The following TBC1D5 variants were observed in gnomAD, a reference collection of about 807,000 sequenced individuals.
TBC1D5 encodes TBC1 domain family member 5, also known as TBC1 domain family, member 5.
Under a neutral mutation model 100.3 loss-of-function variants are expected in TBC1D5, and 75 were observed. The ratio of observed to expected loss-of-function variants is 0.75; its 90% confidence interval spans 0.62 to 0.91. The LOEUF (loss-of-function observed/expected upper bound fraction) is 0.91, where lower values mean the gene tolerates loss of function less well. Among genes scored for constraint, TBC1D5 ranks in the 40% least tolerant of loss-of-function variants. The pLI, the probability that TBC1D5 is intolerant of heterozygous loss-of-function variation, is 0.00. For synonymous variants in TBC1D5, 323 were observed against 325.6 expected (o/e 0.99, Z 0.09); for missense variants, 910 against 942.4 (o/e 0.97, Z 0.45).
chr3:17,573,216 A>G (rs1226749364), intron 2 of TBC1D5, among the ~76,000 whole-genome samples: 1 of 152,018 alleles, frequency 6.6e-6, no homozygotes, highest in African/African-American at 2.4e-5. Context: ...AAATGCCAGT[A>G]TTTCCTTTCC....
chr3:17,258,161 T>TAAA (rs969465221), intron 16 of TBC1D5, among the ~76,000 whole-genome samples: 1 of 152,068 alleles, frequency 6.6e-6, no homozygotes, highest in Non-Finnish European at 1.5e-5. Flanking sequence ...TGAAATAATT[T>TAAA]AAAAATATAT....
At position 17,205,887 on chromosome 3, in the gene TBC1D5, T is replaced by C. The variant is rs191144066; in HGVS notation, c.1752+8320A>G. ...TGGCAGAGTGGAAAGATGGTGATGC[T>C]ACTCAACAGCTGAATAATCCAACCG... On this transcript the variant is annotated intron_variant, in intron 18 of 21. Coordinates refer to ENST00000253692, the Ensembl canonical transcript of TBC1D5. 4.6e-5 allele frequency among the ~76,000 whole-genome samples: 7 copies of C among 152,314 alleles called. No homozygotes were observed. In the East Asian group the frequency reaches 9.6e-4, roughly 21 times the overall value.
intron 17 of TBC1D5, among the ~76,000 whole-genome samples, chr3:17,237,802 G>A (rs1419100842): frequency 6.6e-6 from 1 of 152,134 alleles, no homozygotes; most frequent in Non-Finnish European, 1.5e-5. Context: ...GAAGCCCATG[G>A]TACCGGAACT....
At chr3:17,495,119 C>T (rs2095690058) in intron 3 of TBC1D5, among the ~76,000 whole-genome samples, 1 of 152,190 alleles carries the variant, frequency 6.6e-6, no homozygotes, top group South Asian at 2.1e-4. Context: ...AATGAGAGAA[C>T]CTGGATACCT....
chr3:17,606,288 A>T (rs573173084), intron 2 of TBC1D5, among the ~76,000 whole-genome samples: 6 of 152,200 alleles, frequency 3.9e-5, no homozygotes, highest in African/African-American at 9.6e-5. Context: ...CAAAAAAATT[A>T]AAAAATTAGC....
chr3:17,556,525 G>A (rs911557771), intron 2 of TBC1D5, among the ~76,000 whole-genome samples: 2 of 152,016 alleles, frequency 1.3e-5, no homozygotes, highest in African/African-American at 4.8e-5. Flanking sequence ...CATCTTACAA[G>A]CTAATATCGG....
chr3:17,256,556 G>A (rs2077701826), intron 16 of TBC1D5, among the ~76,000 whole-genome samples: 1 of 151,570 alleles, frequency 6.6e-6, no homozygotes, highest in Non-Finnish European at 1.5e-5. Flanking sequence ...ATCATGAAGG[G>A]GAGAAAATAA....
At chr3:17,235,959 A>G (rs1408610144) in intron 17 of TBC1D5, among the ~76,000 whole-genome samples, 2 of 151,918 alleles carry the variant, frequency 1.3e-5, no homozygotes, top group East Asian at 3.9e-4. Context: ...GTACAAATAT[A>G]GAAGGGTTGC....
chr3:17,737,017 T>A (rs1194978899), intron 1 of TBC1D5, among the ~76,000 whole-genome samples: 2 of 151,334 alleles, frequency 1.3e-5, no homozygotes, highest in Non-Finnish European at 2.9e-5. Flanking sequence ...TGTCTCAATT[T>A]AAAAAAAAGA....
chr3:17,563,132 T>C (rs1296360619), intron 2 of TBC1D5, among the ~76,000 whole-genome samples: 1 of 152,184 alleles, frequency 6.6e-6, no homozygotes, highest in African/African-American at 2.4e-5. Flanking sequence ...GTTGCACAAC[T>C]GGATAGAAAG....
At chr3:17,605,033 C>T (rs1237291981) in intron 2 of TBC1D5, among the ~76,000 whole-genome samples, 1 of 152,114 alleles carries the variant, frequency 6.6e-6, no homozygotes, top group Non-Finnish European at 1.5e-5. Context: ...CCAAAATATC[C>T]ATCTTTACAT....
intron 3 of TBC1D5, among the ~76,000 whole-genome samples, chr3:17,456,122 T>C (rs965234844): frequency 2.0e-5 from 3 of 152,058 alleles, no homozygotes; most frequent in African/African-American, 7.2e-5. Flanking sequence ...TAGAGCCCTA[T>C]CTCCTGACAT....
At chr3:17,406,169 G>T (rs865885518) in intron 5 of TBC1D5, among the ~76,000 whole-genome samples, 22 of 152,104 alleles carry the variant, frequency 1.4e-4, no homozygotes, top group African/African-American at 4.8e-4. Context: ...CTCTGAATTT[G>T]GCACCATCAA....
chr3:17,450,435 C>T (rs898452056), intron 3 of TBC1D5, among the ~76,000 whole-genome samples: 5 of 152,076 alleles, frequency 3.3e-5, no homozygotes, highest in Admixed American at 6.6e-5. Context: ...ACAAACTCCT[C>T]CGAGTTAAAG....
At chr3:17,281,946 T>C (rs1017594529) in intron 15 of TBC1D5, among the ~76,000 whole-genome samples, 1 of 152,218 alleles carries the variant, frequency 6.6e-6, no homozygotes, top group Non-Finnish European at 1.5e-5. Context: ...TTATGATTTG[T>C]AATCTTCAAT....
At chr3:17,302,947 A>C (rs1424764976) in intron 14 of TBC1D5, among the ~76,000 whole-genome samples, 1 of 152,232 alleles carries the variant, frequency 6.6e-6, no homozygotes, top group Non-Finnish European at 1.5e-5. Context: ...ATCCACTGGC[A>C]TGAAATAAAA....
At chr3:17,635,993 G>A (rs969658241) in intron 1 of TBC1D5, among the ~76,000 whole-genome samples, 2 of 152,034 alleles carry the variant, frequency 1.3e-5, no homozygotes, top group African/African-American at 4.8e-5. Flanking sequence ...AGGAGTTCAA[G>A]ATCAGCCTGG....
chr3:17,457,931 C>T (rs1447364211), intron 3 of TBC1D5, among the ~76,000 whole-genome samples: 1 of 152,148 alleles, frequency 6.6e-6, no homozygotes, highest in East Asian at 1.9e-4. Flanking sequence ...TACAGGCTAC[C>T]ATTCCTAAAT....
chr3:17,534,519 T>C (rs1481448881), intron 2 of TBC1D5, among the ~76,000 whole-genome samples: 1 of 152,194 alleles, frequency 6.6e-6, no homozygotes, highest in Non-Finnish European at 1.5e-5. Flanking sequence ...TATCACTTCA[T>C]TATCTTCCCA....
Sources: allele counts gnomAD v4.1 joint callset (sites outside exome capture counted in the v4.1 genomes callset), GRCh38; gene constraint gnomAD v4.1.1; transcripts MANE v1.5; gene names NCBI Gene and HGNC (gene_info 2026-07-23, HGNC 2026-07-21).